Variants in RBFOX1 observed in about 807,000 individuals in gnomAD.
The protein encoded by RBFOX1 is RNA binding protein fox-1 homolog 1.
A neutral mutation model predicts 57.7 loss-of-function variants in RBFOX1; 8 were observed. The observed-to-expected ratio is 0.14, with a 90% CI of 0.08 to 0.25. RBFOX1 has a LOEUF of 0.25. RBFOX1 is among the 10% of genes least tolerant of loss of function. RBFOX1 has a pLI of 1.00. For missense variants in RBFOX1, 611 were observed against 548.5 expected (o/e 1.11, Z -1.14); for synonymous variants, 326 against 222.4 (o/e 1.47, Z -4.15).
At chr16:7,616,197 C>CA (rs1259050297) in intron 10 of RBFOX1, among the ~76,000 whole-genome samples, 2 of 152,146 alleles carry the variant, frequency 1.3e-5, no homozygotes, top group Non-Finnish European at 2.9e-5. Flanking sequence ...TTTATTATAA[C>CA]AAAAGGATAC....
chr16:5,419,896 A>C (rs1482715732), intron 1 of RBFOX1, among the ~76,000 whole-genome samples: 1 of 152,114 alleles, frequency 6.6e-6, no homozygotes, highest in Non-Finnish European at 1.5e-5. Flanking sequence ...CCAAGAAGAC[A>C]GGGACCCTGG....
chr16:7,555,000 A>G (rs146284667), intron 5 of RBFOX1, among the ~76,000 whole-genome samples: 35 of 152,308 alleles, frequency 2.3e-4, no homozygotes, highest in Non-Finnish European at 4.4e-4. Flanking sequence ...TTTAGGTAGT[A>G]TTGCATATTT....
intron 3 of RBFOX1, among the ~76,000 whole-genome samples, chr16:5,768,481 G>A (rs1003288709): frequency 6.6e-6 from 1 of 152,160 alleles, no homozygotes; most frequent in Non-Finnish European, 1.5e-5. Context: ...GAAGGGGTAC[G>A]TGGCAGACAG....
chr16:7,023,897 G>T (rs1283661212), intron 3 of RBFOX1, among the ~76,000 whole-genome samples: 1 of 152,120 alleles, frequency 6.6e-6, no homozygotes, highest in Non-Finnish European at 1.5e-5. Flanking sequence ...ATCGAGTTTG[G>T]AAAGGGAGTT....
intron 3 of RBFOX1, among the ~76,000 whole-genome samples, chr16:5,788,904 A>G (rs1433847637): frequency 6.6e-6 from 1 of 152,142 alleles, no homozygotes; most frequent in Non-Finnish European, 1.5e-5. Context: ...TGCACCCCAT[A>G]TGTAAGGCTT....
chr16:6,790,780 G>C (rs1467337688), intron 3 of RBFOX1, among the ~76,000 whole-genome samples: 4 of 152,144 alleles, frequency 2.6e-5, no homozygotes, highest in African/African-American at 9.7e-5. Context: ...CTCAGGATGG[G>C]AAATAGGAAA....
At chr16:7,453,230 G>T (rs1447123386) in intron 4 of RBFOX1, among the ~76,000 whole-genome samples, 1 of 152,124 alleles carries the variant, frequency 6.6e-6, no homozygotes, top group Non-Finnish European at 1.5e-5. Context: ...TGATCGAAGG[G>T]GTAGGAGGTT....
chr16:6,875,848 A>AGGTGGT, intron 3 of RBFOX1, among the ~76,000 whole-genome samples: 1 of 152,046 alleles, frequency 6.6e-6, no homozygotes, highest in Non-Finnish European at 1.5e-5. Flanking sequence ...CTACAAAAAA[A>AGGTGGT]TTAGCCAGTC....
At chr16:6,800,984 T>C (rs745379804) in intron 3 of RBFOX1, among the ~76,000 whole-genome samples, 1 of 152,082 alleles carries the variant, frequency 6.6e-6, no homozygotes, top group Non-Finnish European at 1.5e-5. Flanking sequence ...GGGAAATCAA[T>C]AAATGTTTGT....
chr16:5,683,316 C>T (rs2050403014), intron 3 of RBFOX1, among the ~76,000 whole-genome samples: 1 of 152,152 alleles, frequency 6.6e-6, no homozygotes, highest in South Asian at 2.1e-4. Context: ...GCATTTGTAA[C>T]CTCCCTTAGG....
chr16:5,912,160 G>A (rs961031202), intron 4 of RBFOX1, among the ~76,000 whole-genome samples: 2 of 152,176 alleles, frequency 1.3e-5, no homozygotes, highest in African/African-American at 4.8e-5. Flanking sequence ...TAACGTTTGT[G>A]TCTTTGGCTA....
intron 4 of RBFOX1, among the ~76,000 whole-genome samples, chr16:5,984,809 A>G (rs1300254005): frequency 2.0e-5 from 3 of 151,760 alleles, no homozygotes; most frequent in Non-Finnish European, 4.4e-5. Context: ...ACAAACTTAT[A>G]TGGCGTTTTT....
chr16:5,655,783 C>G (rs1189846357), intron 3 of RBFOX1, among the ~76,000 whole-genome samples: 2 of 152,222 alleles, frequency 1.3e-5, no homozygotes, highest in African/African-American at 4.8e-5. Context: ...TACACTTTGA[C>G]TTTGCCAGCA....
chr16:7,157,674 C>T (rs956471733), intron 4 of RBFOX1, among the ~76,000 whole-genome samples: 40 of 152,156 alleles, frequency 2.6e-4, no homozygotes, highest in African/African-American at 9.2e-4. Flanking sequence ...TATCTCTACA[C>T]GCCATAGCCA....
intron 2 of RBFOX1, among the ~76,000 whole-genome samples, chr16:6,544,191 T>G (rs993514740): frequency 2.0e-5 from 3 of 152,180 alleles, no homozygotes; most frequent in Admixed American, 6.5e-5. Flanking sequence ...CAGGCCCTGT[T>G]GAACAGGCAT....
chr16:7,152,732 G>A (rs900210545), intron 4 of RBFOX1, among the ~76,000 whole-genome samples: 2 of 152,076 alleles, frequency 1.3e-5, no homozygotes, highest in African/African-American at 4.8e-5. Flanking sequence ...CTTGACTCCT[G>A]GAAAAATAGT....
intron 1 of RBFOX1, among the ~76,000 whole-genome samples, chr16:6,275,685 T>A (rs2152685860): frequency 6.6e-6 from 1 of 152,314 alleles, no homozygotes; most frequent in Non-Finnish European, 1.5e-5. Context: ...GGGACATACC[T>A]ATTTTTAAAA....
chr16:5,927,075 T>C (rs1358415646), intron 4 of RBFOX1, among the ~76,000 whole-genome samples: 2 of 152,228 alleles, frequency 1.3e-5, no homozygotes, highest in African/African-American at 4.8e-5. Flanking sequence ...CATATTTTTA[T>C]ACCCTAGCTC....
intron 1 of RBFOX1, among the ~76,000 whole-genome samples, chr16:6,273,319 G>A (rs1453572174): frequency 6.7e-6 from 1 of 148,572 alleles, no homozygotes; most frequent in Non-Finnish European, 1.5e-5. Context: ...TTAAAGCTAG[G>A]CAAAGAGTTT....
Sources: gnomAD v4.1 joint callset for allele counts (sites outside exome capture counted in the v4.1 genomes callset) on GRCh38, gnomAD v4.1.1 for gene constraint, MANE v1.5 for transcripts, NCBI Gene and HGNC (gene_info 2026-07-23, HGNC 2026-07-21) for gene names.